Variants in TMEM117 observed in about 807,000 individuals in gnomAD.
The protein encoded by TMEM117 is transmembrane protein 117.
A neutral mutation model predicts 52.4 loss-of-function variants in TMEM117; 27 were observed. The ratio of observed to expected loss-of-function variants is 0.51; its 90% confidence interval spans 0.38 to 0.71. The LOEUF (loss-of-function observed/expected upper bound fraction) is 0.71, where lower values mean the gene tolerates loss of function less well. TMEM117 is among the 30% of genes least tolerant of loss of function. The pLI, the probability that TMEM117 is intolerant of heterozygous loss-of-function variation, is 0.00. For synonymous variants in TMEM117, 215 were observed against 206.3 expected, an observed-to-expected ratio of 1.04 and a Z score of -0.36; for missense variants, 556 against 630.5, an observed-to-expected ratio of 0.88 and a Z score of 1.26.
intron 5 of TMEM117, among the ~76,000 whole-genome samples, chr12:44,221,990 T>C (rs1320716669): frequency 1.3e-5 from 2 of 152,004 alleles, no homozygotes; most frequent in African/African-American, 4.8e-5. Flanking sequence ...TGAGCCACCA[T>C]GCCTGGCTGA....
chr12:44,315,561 C>T (rs1313283000), intron 6 of TMEM117, among the ~76,000 whole-genome samples: 3 of 152,118 alleles, frequency 2.0e-5, no homozygotes, highest in African/African-American at 7.2e-5. Flanking sequence ...GTGTGGTTTT[C>T]AGATACCTTC....
intron 3 of TMEM117, among the ~76,000 whole-genome samples, chr12:44,053,737 T>C (rs1947010620): frequency 1.3e-5 from 2 of 152,206 alleles, no homozygotes; most frequent in South Asian, 2.1e-4. Flanking sequence ...ATTCCAAGGG[T>C]TTATGAAACA....
chr12:43,797,715 A>C, the TMEM117 span: 1 of 1,611,862 alleles, frequency 6.2e-7, no homozygotes, highest in African/African-American at 1.3e-5. Context: ...TACCAACTGC[A>C]CATAGTTGAG....
At chr12:44,200,124 A>T (rs1053214082) in intron 4 of TMEM117, among the ~76,000 whole-genome samples, 2 of 152,180 alleles carry the variant, frequency 1.3e-5, no homozygotes, top group Admixed American at 6.5e-5. Flanking sequence ...ATCTCAAAAA[A>T]CACACAAACA....
chr12:44,364,714 G>A (rs1274591070), intron 6 of TMEM117, among the ~76,000 whole-genome samples: 1 of 152,002 alleles, frequency 6.6e-6, no homozygotes, highest in Non-Finnish European at 1.5e-5. Flanking sequence ...AGATAAAATA[G>A]TTTGTTAGGT....
chr12:44,017,233 C>CTGTGTGTGTGTGTGTG (rs143648069), intron 3 of TMEM117, among the ~76,000 whole-genome samples: 5,110 of 147,270 alleles, frequency 0.035, 193 homozygotes, highest in African/African-American at 0.09. Flanking sequence ...ATGAAGCCTT[C>CTGTGTGTGTGTGTGTG]TGTGTGTGTG....
intron 4 of TMEM117, among the ~76,000 whole-genome samples, chr12:44,156,655 T>C (rs1948829383): frequency 6.6e-6 from 1 of 152,072 alleles, no homozygotes; most frequent in Non-Finnish European, 1.5e-5. Flanking sequence ...ACATATTCTA[T>C]GTCAAAATCA....
At chr12:44,179,055 G>A (rs1949154137) in intron 4 of TMEM117, among the ~76,000 whole-genome samples, 1 of 152,074 alleles carries the variant, frequency 6.6e-6, no homozygotes. Flanking sequence ...TTAGCCTGGT[G>A]TGGTGGTGGG....
intron 6 of TMEM117, among the ~76,000 whole-genome samples, chr12:44,363,760 T>C (rs1951754134): frequency 6.6e-6 from 1 of 152,186 alleles, no homozygotes; most frequent in Admixed American, 6.6e-5. Context: ...CTAAGGCTAA[T>C]TGAAAGGCAG....
At chr12:44,331,186 A>C (rs1389897105) in intron 6 of TMEM117, among the ~76,000 whole-genome samples, 1 of 143,244 alleles carries the variant, frequency 7.0e-6, no homozygotes, top group African/African-American at 2.8e-5. Flanking sequence ...CCTTTTTTTA[A>C]AAAAAAAAAA....
intron 6 of TMEM117, among the ~76,000 whole-genome samples, chr12:44,365,690 T>C (rs997037052): frequency 2.0e-5 from 3 of 152,020 alleles, no homozygotes; most frequent in Non-Finnish European, 4.4e-5. Context: ...ATGACAAATG[T>C]TTGTTTGCTT....
At chr12:43,895,832 T>G (rs1029190459) in intron 2 of TMEM117, among the ~76,000 whole-genome samples, 2 of 152,254 alleles carry the variant, frequency 1.3e-5, no homozygotes, top group African/African-American at 2.4e-5. Flanking sequence ...AAACTTACCC[T>G]TCCTTTTATG....
the TMEM117 span, chr12:43,798,634 AAAT>A: frequency 1.3e-6 from 2 of 1,496,418 alleles, no homozygotes; most frequent in East Asian, 4.9e-5. Context: ...AAAAAAAAAA[AAAT>A]CACATAAAAA....
chr12:43,804,946 G>C, the TMEM117 span, among the ~76,000 whole-genome samples: 2 of 152,144 alleles, frequency 1.3e-5, no homozygotes, highest in East Asian at 3.9e-4. Context: ...TCAGTTTCAA[G>C]CTTATGACAG....
upstream of TMEM117, among the ~76,000 whole-genome samples, chr12:43,832,596 A>C (rs1942989264): frequency 6.6e-6 from 1 of 152,232 alleles, no homozygotes; most frequent in African/African-American, 2.4e-5. Context: ...ATAGCGAGTA[A>C]GCAGTGGAGC....
chr12:43,913,217 G>A (rs556780741), intron 2 of TMEM117, among the ~76,000 whole-genome samples: 1 of 152,234 alleles, frequency 6.6e-6, no homozygotes, highest in Non-Finnish European at 1.5e-5. Context: ...TTGGACTCCA[G>A]GTAGGAAGCC....
chr12:43,956,532 C>T (rs988143475), intron 3 of TMEM117, among the ~76,000 whole-genome samples: 1 of 138,420 alleles, frequency 7.2e-6, no homozygotes, highest in Non-Finnish European at 1.6e-5. Flanking sequence ...GACGTACATG[C>T]AACCAACAAA....
At chr12:43,803,827 C>T in the TMEM117 span, among the ~76,000 whole-genome samples, 1 of 151,886 alleles carries the variant, frequency 6.6e-6, no homozygotes, top group African/African-American at 2.4e-5. Context: ...GTTACTTTTC[C>T]AAAGCAAAAT....
intron 5 of TMEM117, among the ~76,000 whole-genome samples, chr12:44,290,551 T>G (rs1244959200): frequency 6.6e-6 from 1 of 152,224 alleles, no homozygotes; most frequent in Non-Finnish European, 1.5e-5. Flanking sequence ...TCTATGTATC[T>G]CATTTTTATG....
Sources: allele counts gnomAD v4.1 joint callset (sites outside exome capture counted in the v4.1 genomes callset), GRCh38; gene constraint gnomAD v4.1.1; transcripts MANE v1.5; gene names NCBI Gene and HGNC (gene_info 2026-07-23, HGNC 2026-07-21).